Variants in FRAS1 observed in about 807,000 individuals in gnomAD.
FRAS1 encodes the protein Fraser extracellular matrix complex subunit 1.
FRAS1 carries 290 observed loss-of-function variants against 435.2 expected under a neutral mutation model. The observed-to-expected ratio is 0.67, with a 90% CI of 0.61 to 0.73. The LOEUF (loss-of-function observed/expected upper bound fraction) is 0.73, where lower values mean the gene tolerates loss of function less well. FRAS1 is among the 30% of genes least tolerant of loss of function. FRAS1 has a pLI of 0.00. For missense variants in FRAS1, 4,860 were observed against 5,001.5 expected (o/e 0.97, Z 0.85); for synonymous variants, 1,800 against 1,851.0 (o/e 0.97, Z 0.71).
chr4:78,250,207 C>T (rs1725471179), intron 4 of FRAS1, among the ~76,000 whole-genome samples: 1 of 152,000 alleles, frequency 6.6e-6, no homozygotes, highest in Non-Finnish European at 1.5e-5. Context: ...GAAAAAATAT[C>T]ACTAGTAATC....
chr4:78,480,163 A>G (rs1719968857), intron 56 of FRAS1, among the ~76,000 whole-genome samples: 1 of 152,154 alleles, frequency 6.6e-6, no homozygotes, highest in Admixed American at 6.5e-5. Flanking sequence ...GCTAGGGAAT[A>G]CTAGGTCTTC....
chr4:78,312,879 G>GAA (rs56830173), intron 15 of FRAS1, among the ~76,000 whole-genome samples: 1,359 of 129,104 alleles, frequency 0.011, 16 homozygotes, highest in African/African-American at 0.033. Context: ...GAGAGAGAGA[G>GAA]AGAAAGAAAG....
At chr4:78,231,866 T>C (rs1165232640) in intron 2 of FRAS1, among the ~76,000 whole-genome samples, 1 of 152,198 alleles carries the variant, frequency 6.6e-6, no homozygotes, top group Non-Finnish European at 1.5e-5. Flanking sequence ...TCATATATTA[T>C]TAAAAATATT....
At chr4:78,343,434 CCTCCCTCT>C (rs1730477599) in intron 20 of FRAS1, among the ~76,000 whole-genome samples, 3 of 105,522 alleles carry the variant, frequency 2.8e-5, no homozygotes, top group African/African-American at 1.1e-4. Context: ...TCCCTCCCTC[CCTCCCTCT>C]CTCTCTCTCT....
intron 2 of FRAS1, among the ~76,000 whole-genome samples, chr4:78,223,532 T>G (rs992997269): frequency 2.0e-5 from 3 of 152,222 alleles, no homozygotes; most frequent in Non-Finnish European, 2.9e-5. Context: ...CTTTAATTCA[T>G]TAATCTAATG....
At chr4:78,245,404 T>C in intron 4 of FRAS1, 79 bp downstream of exon 4, 1 of 1,015,952 alleles carries the variant, frequency 9.8e-7, no homozygotes, top group East Asian at 2.6e-5. Context: ...AAACTTGTGT[T>C]GATGAGAGTT....
chr4:78,308,846 G>A (rs778507818), intron 15 of FRAS1, among the ~76,000 whole-genome samples: 13 of 152,194 alleles, frequency 8.5e-5, no homozygotes, highest in Non-Finnish European at 1.5e-4. Flanking sequence ...TCCCACTTGT[G>A]AAACGGGGAT....
chr4:78,213,324 C>T (rs1196744569), intron 2 of FRAS1, among the ~76,000 whole-genome samples: 2 of 152,278 alleles, frequency 1.3e-5, no homozygotes, highest in East Asian at 1.9e-4. Flanking sequence ...CATATTTCTC[C>T]TCCTTCTGTC....
intron 47 of FRAS1, among the ~76,000 whole-genome samples, chr4:78,456,408 G>C (rs1719203330): frequency 6.6e-6 from 1 of 152,150 alleles, no homozygotes; most frequent in Admixed American, 6.5e-5. Flanking sequence ...ATCCGAAAGT[G>C]CTGTGTTTAC....
intron 18 of FRAS1, among the ~76,000 whole-genome samples, chr4:78,331,888 CTG>C (rs1357410580): frequency 2.6e-5 from 4 of 152,150 alleles, no homozygotes; most frequent in African/African-American, 9.7e-5. Flanking sequence ...GATCAGGAGA[CTG>C]TTGCCATTGA....
intron 2 of FRAS1, among the ~76,000 whole-genome samples, chr4:78,234,359 G>GCCTCC (rs1724649813): frequency 6.6e-6 from 1 of 151,890 alleles, no homozygotes; most frequent in African/African-American, 2.4e-5. Flanking sequence ...CCGAGTAGCT[G>GCCTCC]GGACTACAGG....
chr4:78,301,535 CA>C (rs1327574998), intron 14 of FRAS1, among the ~76,000 whole-genome samples: 1 of 152,050 alleles, frequency 6.6e-6, no homozygotes, highest in East Asian at 1.9e-4. Context: ...GATAAAAAGG[CA>C]AAGAACGATA....
intron 2 of FRAS1, among the ~76,000 whole-genome samples, chr4:78,217,672 T>A (rs911171245): frequency 6.6e-6 from 1 of 152,118 alleles, no homozygotes; most frequent in African/African-American, 2.4e-5. Flanking sequence ...TGTCGCTCAC[T>A]GCAATTTTTA....
intron 30 of FRAS1, 58 bp downstream of exon 30, chr4:78,400,945 C>T: frequency 6.5e-7 from 1 of 1,548,626 alleles, no homozygotes; most frequent in Non-Finnish European, 8.8e-7. Context: ...CTAGGGTTTG[C>T]TACTGTATAG....
chr4:78,536,986 T>A lies in FRAS1; in HGVS notation c.11093-9T>A. 1 of 1,611,266 alleles carries A rather than the reference T, an allele frequency of 6.2e-7. No individual in the cohort carries two copies. The highest frequency in any genetic ancestry group is 1.7e-5 in the Admixed American group (1 of 59,936). Reference sequence around the variant, plus strand: ...GTCTGACCTAATTAATACCTTTCAATCTTTTCAGGTCAAATCCTTTATGGC... The same window carrying A: ...GTCTGACCTAATTAATACCTTTCAAACTTTTCAGGTCAAATCCTTTATGGC... On this transcript the variant is annotated splice_polypyrimidine_tract_variant and intron_variant, in intron 71 of 73. Coordinates refer to ENST00000512123, the MANE Select transcript of FRAS1 (RefSeq NM_025074.7).
rs528395889 is a variant in FRAS1, at chr4:78,411,305, T to C, written c.4309-1664T>C. 2.6e-5 allele frequency among the ~76,000 whole-genome samples: 4 copies of C among 152,178 alleles called. No homozygotes were observed. The South Asian group carries it at 8.3e-4, about 32-fold the overall frequency. ...TTTTGTATTTTTAGTAGAGACAGGA[T>C]TTCACCATGTTGGCCAGGCTGGTCT... On this transcript the variant is annotated intron_variant, in intron 31 of 73. Coordinates refer to ENST00000512123, the MANE Select transcript of FRAS1 (RefSeq NM_025074.7).
At chr4:78,393,782 G>C (rs1024478440) in intron 29 of FRAS1, among the ~76,000 whole-genome samples, 4 of 152,110 alleles carry the variant, frequency 2.6e-5, no homozygotes, top group Non-Finnish European at 5.9e-5. Context: ...ATATCCAGAA[G>C]TGTGATTGCT....
intron 2 of FRAS1, among the ~76,000 whole-genome samples, chr4:78,169,867 T>C (rs907054681): frequency 6.6e-6 from 1 of 152,166 alleles, no homozygotes; most frequent in African/African-American, 2.4e-5. Flanking sequence ...CTTTGAATTC[T>C]GGTGCTGCCA....
chr4:78,200,439 G>A (rs1000401507), intron 2 of FRAS1, among the ~76,000 whole-genome samples: 15 of 152,154 alleles, frequency 9.9e-5, no homozygotes, highest in Admixed American at 2.0e-4. Flanking sequence ...CCAAAGCAGC[G>A]CTGCTGATTA....
Sources: allele counts gnomAD v4.1 joint callset (sites outside exome capture counted in the v4.1 genomes callset), GRCh38; gene constraint gnomAD v4.1.1; transcripts MANE v1.5; gene names NCBI Gene and HGNC (gene_info 2026-07-23, HGNC 2026-07-21).